GADD45A: variants seen among roughly 807,000 people sequenced by gnomAD.
The protein encoded by GADD45A is growth arrest and DNA damage-inducible protein GADD45 alpha.
Under a neutral mutation model 17.7 loss-of-function variants are expected in GADD45A, and 9 were observed. That is an observed-to-expected ratio of 0.51 (90% CI 0.31 to 0.89). The LOEUF (loss-of-function observed/expected upper bound fraction) is 0.89. GADD45A is among the 40% of genes least tolerant of loss of function. The pLI is 0.05. For synonymous variants in GADD45A, 95 were observed against 92.2 expected, an observed-to-expected ratio of 1.03 and a Z score of -0.17; for missense variants, 149 against 220.6, an observed-to-expected ratio of 0.68 and a Z score of 2.06.
Position 67,686,261 on chromosome 1 carries a change from A to C in GADD45A, c.147-89A>C. ...TGCCTGTCTCGGAAGGGAGGGGGCG[A>C]GCGGGCCGGGCGGCGACCCCCAGGG... On this transcript the variant is annotated intron_variant, in intron 2 of 3. Transcript: ENST00000370986. 3 of 1,390,374 alleles carry C rather than the reference A, an allele frequency of 2.2e-6. No homozygotes were observed. In the South Asian group the frequency reaches 3.8e-5, roughly 17 times the overall value. 86.1% of individuals were successfully genotyped at this position (1,390,374 alleles called of 1,614,324 possible).
In GADD45A at chr1:67,687,966, G is replaced by T; in HGVS notation, c.*192G>T. ...TTTGCAGATGGAAAGAGGTGAAAATGAAGAAGGAAGCTGTGTTGAAACAGA... is the reference window on the plus strand; with the variant it reads ...TTTGCAGATGGAAAGAGGTGAAAATTAAGAAGGAAGCTGTGTTGAAACAGA... On this transcript the variant is annotated 3_prime_UTR_variant, in exon 4 of 4. Coordinates refer to ENST00000370986, the MANE Select transcript of GADD45A (RefSeq NM_001924.4). 4.1e-6 allele frequency: 2 copies of T among 487,414 alleles called. No individual in the cohort carries two copies. The highest frequency in any genetic ancestry group is 7.3e-6 in the Non-Finnish European group (2 of 273,830). The allele number at this position is 487,414 out of a possible 1,614,324, so 30.2% of individuals were successfully genotyped here. A position where few individuals can be genotyped will look rare whatever the true frequency, so the allele number is the denominator to read the frequency against.
rs555049615 is a variant in GADD45A at position 67,687,805 on chromosome 1, T to C, written c.*31T>C. ...TCTGAATGAAAATAACTGAACCAAA[T>C]TGCACTGAAGTTTTTGAAATACCTT... On this transcript the variant is annotated 3_prime_UTR_variant, in exon 4 of 4. Transcript: ENST00000370986. 4.3e-6 allele frequency: 6 copies of C among 1,399,000 alleles called. No individual in the cohort carries two copies. In the East Asian group the frequency reaches 9.1e-5, roughly 21 times the overall value. The allele number at this position is 1,399,000 out of a possible 1,614,324, so 86.7% of individuals were successfully genotyped here. A position where few individuals can be genotyped will look rare whatever the true frequency, so the allele number is the denominator to read the frequency against.
At chr1:67,685,778 G>A in intron 1 of GADD45A, 2 of 597,300 alleles carry the variant, frequency 3.3e-6, no homozygotes, top group South Asian at 4.1e-5. Context: ...GTCGCTGCCC[G>A]TGCGGCTCCC....
At chr1:67,686,285 G>A (rs1259292566) in intron 2 of GADD45A, 65 bp from the exon 3 acceptor site, 9 of 1,482,634 alleles carry the variant, frequency 6.1e-6, no homozygotes, top group Non-Finnish European at 8.3e-6. Context: ...CGACCCCCAG[G>A]GACCCGGGCA....
rs1646148627 is a variant in GADD45A at position 67,688,151 on chromosome 1, A to G, written c.*377A>G. The G allele has an allele frequency of 1.2e-5, 2 of 166,672 alleles. No homozygotes were observed. The allele number at this position is 166,672 out of a possible 1,614,324, so 10.3% of individuals were successfully genotyped here. A position where few individuals can be genotyped will look rare whatever the true frequency, so the allele number is the denominator to read the frequency against. ...TTTTTGGTTTATATGCCCTCAAGTA[A>G]AAGAAAAGCCGAAAGGGTTAATCAT... is the stretch of plus-strand genomic sequence containing the variant. On this transcript the variant is annotated 3_prime_UTR_variant, in exon 4 of 4. Transcript: ENST00000370986.
intron 2 of GADD45A, 43 bp from the exon 3 acceptor site, chr1:67,686,307 C>T: frequency 1.3e-6 from 2 of 1,568,500 alleles, no homozygotes; most frequent in Non-Finnish European, 8.7e-7. Flanking sequence ...TGGTTGAGGG[C>T]GCCCGCGCTT....
intron 1 of GADD45A, chr1:67,685,767 C>T (rs1361543760): frequency 1.3e-5 from 8 of 598,274 alleles, no homozygotes; most frequent in Non-Finnish European, 1.5e-5. Context: ...CAGCAGTGGC[C>T]GTCGCTGCCC....
chr1:67,687,843 A>G lies in GADD45A; in HGVS notation c.*69A>G, dbSNP rs1036746014. ...TTTGAAATACCTTTGTAGTTACTCA[A>G]GCAGTTACTCCCTACACTGATGCAA... is the stretch of plus-strand genomic sequence containing the variant. On this transcript the variant is annotated 3_prime_UTR_variant, in exon 4 of 4. Coordinates refer to ENST00000370986, the MANE Select transcript of GADD45A (RefSeq NM_001924.4). The G allele has an allele frequency of 1.0e-6, 1 of 991,450 alleles. No homozygotes were observed. Among genetic ancestry groups the G allele is most frequent in the African/African-American group, 1.6e-5 (1 of 62,994 alleles). The allele number at this position is 991,450 out of a possible 1,614,324, so 61.4% of individuals were successfully genotyped here.
Position 67,685,403 on chromosome 1 carries a change from AGT to A in GADD45A, c.-90_-89del. 8.2e-7 allele frequency: 1 copy of A among 1,223,862 alleles called. No homozygotes were observed. Among genetic ancestry groups the A allele is most frequent in the Non-Finnish European group, 1.2e-6 (1 of 856,808 alleles). 75.8% of individuals were successfully genotyped at this position (1,223,862 alleles called of 1,614,324 possible). ...CTGAGCTGCCGGAGCGGCGCCTGTG[AGT>A]GAGTGCAGAAAGCAGGCGCCCGCGC... On this transcript the variant is annotated 5_prime_UTR_variant, in exon 1 of 4. Coordinates refer to ENST00000370986, the MANE Select transcript of GADD45A (RefSeq NM_001924.4).
intron 2 of GADD45A, 94 bp downstream of exon 2, chr1:67,686,220 C>CT: frequency 7.3e-7 from 1 of 1,370,312 alleles, no homozygotes; most frequent in Non-Finnish European, 1.0e-6. Flanking sequence ...GGCCGCGCCA[C>CT]TTCCTGTCGC....
intron 3 of GADD45A, 90 bp downstream of exon 3, chr1:67,686,677 G>A: frequency 1.7e-6 from 2 of 1,186,514 alleles, no homozygotes; most frequent in Non-Finnish European, 2.4e-6. Context: ...TCTGTGGTAG[G>A]TGGGGGTCAG....
rs1245214296 is a variant in GADD45A at position 67,685,477 on chromosome 1, C to T, written c.-18C>T. The T allele has an allele frequency of 1.2e-6, 2 of 1,606,294 alleles. No homozygotes were observed. Among genetic ancestry groups the T allele is most frequent in the Non-Finnish European group, 1.7e-6 (2 of 1,176,154 alleles). ...CCGCACGCCGCGCTCTCTCCCTGGG[C>T]GACCTGCAGTTTGCAATATGACTTT... On this transcript the variant is annotated 5_prime_UTR_variant, in exon 1 of 4. Transcript: ENST00000370986.
intron 2 of GADD45A, 81 bp from the exon 3 acceptor site, chr1:67,686,269 G>T: frequency 4.3e-6 from 6 of 1,410,020 alleles, no homozygotes; most frequent in Non-Finnish European, 5.8e-6. Context: ...CGAGCGGGCC[G>T]GGCGGCGACC....
In GADD45A at chr1:67,686,031, T is replaced by G; in HGVS notation, c.51T>G (p.Asp17Glu). The G allele has an allele frequency of 6.2e-7, 1 of 1,602,018 alleles. No homozygotes were observed. Among genetic ancestry groups the G allele is most frequent in the Non-Finnish European group, 8.5e-7 (1 of 1,174,760 alleles). ...SAGEQKTERM[D>E]KVGDALEEVL... The stretch of plus-strand genomic sequence containing the variant: ...CGCCCTTGCCCGCGTGTAGGATGGA[T>G]AAGGTGGGGGATGCCCTGGAGGAAG... Residue 17 changes from aspartate (D) to glutamate (E), a missense_variant, in exon 2 of 4, where the codon GAT becomes GAG. By Grantham distance (45) the Asp-to-Glu change is conservative. Transcript: ENST00000370986.
intron 1 of GADD45A, 159 bp from the exon 2 acceptor site, chr1:67,685,866 G>T: frequency 1.7e-6 from 1 of 602,342 alleles, no homozygotes; most frequent in East Asian, 3.0e-5. Flanking sequence ...AGGGGTCATG[G>T]GGGGTGACGG....
chr1:67,685,607 G>C, intron 1 of GADD45A, 69 bp downstream of exon 1: 1 of 1,478,300 alleles, frequency 6.8e-7, no homozygotes, highest in Non-Finnish European at 9.3e-7. Context: ...GGTGCAGCCG[G>C]GCTGTGGAAG....
In GADD45A at chr1:67,686,044, G is replaced by T; in HGVS notation, c.64G>T (p.Ala22Ser). 6.2e-7 allele frequency: 1 copy of T among 1,607,306 alleles called. No individual in the cohort carries two copies. The highest frequency in any genetic ancestry group is 8.5e-7 in the Non-Finnish European group (1 of 1,177,442). ...KTERMDKVGD[A>S]LEEVLSKALS... is the part of the protein sequence containing the mutation. ...GTGTAGGATGGATAAGGTGGGGGAT[G>T]CCCTGGAGGAAGTGCTCAGCAAAGC... Residue 22 changes from alanine (A) to serine (S), a missense_variant, in exon 2 of 4, where the codon GCC becomes TCC. By Grantham distance (99) the Ala-to-Ser change is moderately conservative. Coordinates refer to ENST00000370986, the MANE Select transcript of GADD45A (RefSeq NM_001924.4).
At chr1:67,685,592 T>G in intron 1 of GADD45A, 54 bp downstream of exon 1, 1,360 of 1,444,168 alleles carry the variant, frequency 9.4e-4, no homozygotes, top group Non-Finnish European at 1.2e-3. Flanking sequence ...TACCCCGCGC[T>G]CCCCGGTGCA....
At chr1:67,685,850 G>C in intron 1 of GADD45A, 175 bp from the exon 2 acceptor site, 1 of 597,888 alleles carries the variant, frequency 1.7e-6, no homozygotes, top group East Asian at 2.9e-5. Context: ...CGGTCCTTGG[G>C]CGTGCAGGGG....
Sources: allele counts gnomAD v4.1 joint callset, GRCh38; gene constraint gnomAD v4.1.1; transcripts MANE v1.5; gene names NCBI Gene and HGNC (gene_info 2026-07-23, HGNC 2026-07-21).